Variants in DLG2 observed in about 807,000 individuals in gnomAD.
DLG2 encodes disks large homolog 2.
In DLG2, 45 loss-of-function variants were observed where a neutral mutation model predicts 132.5. The observed-to-expected ratio is 0.34, with a 90% confidence interval of 0.27 to 0.44. The LOEUF (loss-of-function observed/expected upper bound fraction) is 0.44. DLG2 is among the 20% of genes least tolerant of loss of function. DLG2 has a pLI of 1.00. For missense variants in DLG2, 1,045 were observed against 1,196.9 expected (o/e 0.87, Z 1.87); for synonymous variants, 424 against 419.6 (o/e 1.01, Z -0.13).
chr11:84,272,439 T>C, intron 7 of DLG2: 1 of 247,124 alleles, frequency 4.0e-6, no homozygotes, highest in Non-Finnish European at 8.4e-6. Context: ...TTCTTCAAAG[T>C]AGATCTAATG....
chr11:85,427,953 C>CA lies in DLG2; in HGVS notation c.41-142589dup, dbSNP rs570072164. ...GAAGATCTACCAAGGAAATGGAAAA[C>CA]AAAAAAAGGCAGAGGTTGCAATCCT... On this transcript the variant is annotated intron_variant, in intron 3 of 27. Coordinates refer to ENST00000376104, the MANE Select transcript of DLG2 (RefSeq NM_001142699.3). Among the ~76,000 whole-genome samples, 1,280 of 151,644 alleles carry CA rather than the reference C, an allele frequency of 8.4e-3. 20 individuals carry two copies. Among genetic ancestry groups the CA allele is most frequent in the African/African-American group, 0.029 (1,203 of 41,314 alleles).
At chr11:83,871,900 TTAGAC>T (rs1398866245) in intron 16 of DLG2, among the ~76,000 whole-genome samples, 3 of 152,146 alleles carry the variant, frequency 2.0e-5, no homozygotes, top group Admixed American at 1.3e-4. Context: ...TTCAGAACAC[TTAGAC>T]TAAGTGTATA....
Position 84,248,476 on chromosome 11 carries a change from C to T in DLG2, c.573+2762G>A, listed in dbSNP as rs953823669. Reference sequence around the variant, plus strand: ...AGAACATACTACCATGATAATTGGGCCATTTTCATCATATCAAGCTCCTCA... The same window carrying T: ...AGAACATACTACCATGATAATTGGGTCATTTTCATCATATCAAGCTCCTCA... On this transcript the variant is annotated intron_variant, in intron 8 of 27. Coordinates refer to ENST00000376104, the MANE Select transcript of DLG2 (RefSeq NM_001142699.3). 2.6e-5 allele frequency among the ~76,000 whole-genome samples: 4 copies of T among 152,070 alleles called. No homozygotes were observed. The South Asian group carries it at 8.3e-4, about 32-fold the overall frequency.
chr11:84,333,847 T>A (rs1028423324), intron 7 of DLG2, among the ~76,000 whole-genome samples: 2 of 152,226 alleles, frequency 1.3e-5, no homozygotes, highest in African/African-American at 4.8e-5. Flanking sequence ...TATTTAATGC[T>A]TACAAGTGCC....
intron 15 of DLG2, among the ~76,000 whole-genome samples, chr11:83,929,358 A>G (rs1252040207): frequency 1.3e-5 from 2 of 152,214 alleles, no homozygotes; most frequent in African/African-American, 4.8e-5. Context: ...ATAACTATAT[A>G]GACACCCCAT....
At chr11:84,490,778 C>A (rs921468623) in intron 7 of DLG2, among the ~76,000 whole-genome samples, 3 of 151,628 alleles carry the variant, frequency 2.0e-5, no homozygotes, top group Non-Finnish European at 1.5e-5. Context: ...CCCAATGGAA[C>A]CAAATGGTGC....
At chr11:84,281,368 G>C (rs2097852622) in intron 7 of DLG2, among the ~76,000 whole-genome samples, 1 of 151,954 alleles carries the variant, frequency 6.6e-6, no homozygotes, top group Non-Finnish European at 1.5e-5. Flanking sequence ...AGAATGAAAA[G>C]AGATACTTAC....
At chr11:85,040,232 A>G (rs745349055) in intron 6 of DLG2, among the ~76,000 whole-genome samples, 13 of 151,976 alleles carry the variant, frequency 8.6e-5, no homozygotes, top group Non-Finnish European at 1.3e-4. Flanking sequence ...CAATGTTAAT[A>G]TAATTTTTAA....
chr11:83,830,255 T>C (rs571132614), intron 17 of DLG2, among the ~76,000 whole-genome samples: 1 of 152,380 alleles, frequency 6.6e-6, no homozygotes, highest in South Asian at 2.1e-4. Flanking sequence ...CGACTATAAT[T>C]CTGATTGGTT....
chr11:83,919,608 ATCT>A (rs1214980338), intron 15 of DLG2, among the ~76,000 whole-genome samples: 2 of 152,150 alleles, frequency 1.3e-5, no homozygotes, highest in Non-Finnish European at 2.9e-5. Context: ...TGGTCCCTAA[ATCT>A]TCTGAGAACA....
At chr11:84,981,940 T>C (rs1432043090) in intron 6 of DLG2, among the ~76,000 whole-genome samples, 2 of 152,192 alleles carry the variant, frequency 1.3e-5, no homozygotes, top group South Asian at 2.1e-4. Flanking sequence ...GTCCTCATTT[T>C]ACCTCTCCTT....
At chr11:83,732,203 T>C (rs940278429) in intron 18 of DLG2, among the ~76,000 whole-genome samples, 1 of 152,192 alleles carries the variant, frequency 6.6e-6, no homozygotes, top group Admixed American at 6.5e-5. Flanking sequence ...TATAGGAAGC[T>C]GTTTTAGGGA....
chr11:83,724,220 C>T (rs1248934493), intron 18 of DLG2, among the ~76,000 whole-genome samples: 1 of 152,116 alleles, frequency 6.6e-6, no homozygotes, highest in Admixed American at 6.5e-5. Flanking sequence ...CAAGGTTGCA[C>T]AGTTTATGAT....
At chr11:83,759,444 C>T (rs2093802104) in intron 18 of DLG2, among the ~76,000 whole-genome samples, 1 of 152,180 alleles carries the variant, frequency 6.6e-6, no homozygotes, top group Non-Finnish European at 1.5e-5. Context: ...TCTGCTTGAC[C>T]CCCTTGGGCT....
intron 15 of DLG2, among the ~76,000 whole-genome samples, chr11:83,890,547 G>C (rs1255230862): frequency 2.0e-5 from 3 of 152,174 alleles, no homozygotes; most frequent in Non-Finnish European, 4.4e-5. Context: ...GGAACCAATG[G>C]ACTTGGGTTA....
At chr11:84,390,721 T>G (rs1055847251) in intron 7 of DLG2, among the ~76,000 whole-genome samples, 13 of 152,300 alleles carry the variant, frequency 8.5e-5, no homozygotes, top group East Asian at 1.9e-4. Context: ...CTGTGGGGAA[T>G]TTATTTCATA....
In DLG2 at chr11:85,112,033, T is replaced by C. The variant is rs116239499; in HGVS notation, c.283-298A>G. Reference sequence around the variant, plus strand: ...ACCACCTGAGAACTCTTACAACCCATAGGCTGACTGTTCTCTTCCAGGCTC... The same window carrying C: ...ACCACCTGAGAACTCTTACAACCCACAGGCTGACTGTTCTCTTCCAGGCTC... On this transcript the variant is annotated intron_variant, in intron 5 of 27. Coordinates refer to ENST00000376104, the MANE Select transcript of DLG2 (RefSeq NM_001142699.3). Among the ~76,000 whole-genome samples the C allele has an allele frequency of 8.7e-3, 1,329 of 152,154 alleles. 16 individuals are homozygous for C. Among genetic ancestry groups the C allele is most frequent in the African/African-American group, 0.031 (1,271 of 41,538 alleles).
At chr11:84,745,622 A>G (rs1329615236) in intron 6 of DLG2, among the ~76,000 whole-genome samples, 1 of 152,250 alleles carries the variant, frequency 6.6e-6, no homozygotes, top group Non-Finnish European at 1.5e-5. Flanking sequence ...CCCATCTTAG[A>G]TTAAAAATAA....
chr11:83,761,969 A>T (rs1265710998), intron 18 of DLG2, among the ~76,000 whole-genome samples: 1 of 152,178 alleles, frequency 6.6e-6, no homozygotes, highest in Non-Finnish European at 1.5e-5. Flanking sequence ...ATGCTGGGCA[A>T]GTACCAACAA....
Sources: allele counts gnomAD v4.1 joint callset (sites outside exome capture counted in the v4.1 genomes callset), GRCh38; gene constraint gnomAD v4.1.1; transcripts MANE v1.5; gene names NCBI Gene and HGNC (gene_info 2026-07-23, HGNC 2026-07-21).